Variants in GOLPH3L observed in about 807,000 individuals in gnomAD.
GOLPH3L encodes Golgi phosphoprotein 3-like.
A neutral mutation model predicts 30.3 loss-of-function variants in GOLPH3L; 22 were observed. The observed-to-expected ratio is 0.73, with a 90% CI of 0.52 to 1.04. The LOEUF (loss-of-function observed/expected upper bound fraction) is 1.04, where lower values mean the gene tolerates loss of function less well. GOLPH3L is among the 50% of genes least tolerant of loss of function. The pLI is 0.00. For missense variants in GOLPH3L, 303 were observed against 345.8 expected (o/e 0.88, Z 0.98); for synonymous variants, 120 against 128.2 (o/e 0.94, Z 0.43).
chr1:150,649,303 G>T (rs1650052752), intron 4 of GOLPH3L, among the ~76,000 whole-genome samples: 2 of 152,216 alleles, frequency 1.3e-5, no homozygotes, highest in Non-Finnish European at 2.9e-5. Flanking sequence ...TACAGCAGGT[G>T]GGTATCACTG....
intron 2 of GOLPH3L, among the ~76,000 whole-genome samples, chr1:150,688,290 C>T (rs1469434980): frequency 2.0e-5 from 3 of 152,204 alleles, no homozygotes; most frequent in East Asian, 1.9e-4. Context: ...AGCTCTCATA[C>T]TTCAGTTTTA....
chr1:150,671,802 G>A (rs1311561182), intron 2 of GOLPH3L, among the ~76,000 whole-genome samples: 6 of 72,356 alleles, frequency 8.3e-5, no homozygotes, highest in South Asian at 9.4e-4. Flanking sequence ...GCAAAACTCC[G>A]TCTCAAAAAA....
intron 4 of GOLPH3L, among the ~76,000 whole-genome samples, chr1:150,657,865 A>G (rs111282106): frequency 6.6e-6 from 1 of 152,314 alleles, no homozygotes; most frequent in Non-Finnish European, 1.5e-5. Context: ...ATCTAGCATC[A>G]TTAACTTTAA....
chr1:150,655,536 G>T (rs996038620), intron 4 of GOLPH3L, among the ~76,000 whole-genome samples: 1 of 152,154 alleles, frequency 6.6e-6, no homozygotes, highest in African/African-American at 2.4e-5. Flanking sequence ...ACTTCAAGTG[G>T]AAAGACAAAG....
chr1:150,670,262 C>A (rs933265399), intron 2 of GOLPH3L, among the ~76,000 whole-genome samples: 7 of 145,866 alleles, frequency 4.8e-5, no homozygotes, highest in African/African-American at 1.8e-4. Context: ...AACTCCATCT[C>A]AAAAAAAATT....
At chr1:150,679,006 A>C (rs11808191) in intron 2 of GOLPH3L, among the ~76,000 whole-genome samples, 7 of 152,168 alleles carry the variant, frequency 4.6e-5, no homozygotes, top group Non-Finnish European at 1.0e-4. Flanking sequence ...TTCTTTTTTT[A>C]ATGTTGTTAA....
intron 4 of GOLPH3L, among the ~76,000 whole-genome samples, chr1:150,661,000 C>T (rs1650355250): frequency 1.3e-5 from 2 of 152,136 alleles, no homozygotes; most frequent in South Asian, 2.1e-4. Context: ...GAGGCCAAGG[C>T]GGGCAGATCA....
chr1:150,660,165 G>C lies in GOLPH3L; in HGVS notation c.430+1649C>G, dbSNP rs141048158. On this transcript the variant is annotated intron_variant, in intron 4 of 4. Transcript: ENST00000271732. ...CATAAAAATATGCTCAATATTTTTA[G>C]TCATTAGGAATGACATGAAAACTAT... Among the ~76,000 whole-genome samples the C allele has an allele frequency of 2.9e-4, 44 of 152,148 alleles. No individual in the cohort carries two copies. In the East Asian group the frequency reaches 5.2e-3, roughly 18 times the overall value.
Position 150,646,304 on chromosome 1 carries a change from A to C in GOLPH3L, c.*2017T>G, listed in dbSNP as rs921875104. On this transcript the variant is annotated 3_prime_UTR_variant, in exon 5 of 5. Coordinates refer to ENST00000271732, the MANE Select transcript of GOLPH3L (RefSeq NM_018178.6). ...TAAATGAGAAGGAGTTTGGCAGTGA[A>C]CATTATGCAGATTCAAACTGAAGGT... is the stretch of plus-strand genomic sequence containing the variant. 3.3e-5 allele frequency: 5 copies of C among 152,230 alleles called. No homozygotes were observed. The highest frequency in any genetic ancestry group is 1.2e-4 in the African/African-American group (5 of 41,460). 9.4% of individuals were successfully genotyped at this position (152,230 alleles called of 1,614,324 possible).
In GOLPH3L at chr1:150,679,792, C is replaced by A. The variant is rs193059182; in HGVS notation, c.183+14864G>T. Among the ~76,000 whole-genome samples the A allele has an allele frequency of 6.6e-5, 10 of 152,156 alleles. No homozygotes were observed. The East Asian group carries it at 1.9e-3, about 29-fold the overall frequency. ...CCCAGCCTGGACGACAGAGTGGAGA[C>A]TGTTACCAAAAATAATAATAATAAT... is the stretch of plus-strand genomic sequence containing the variant. On this transcript the variant is annotated intron_variant, in intron 2 of 4. Coordinates refer to ENST00000271732, the MANE Select transcript of GOLPH3L (RefSeq NM_018178.6).
intron 2 of GOLPH3L, among the ~76,000 whole-genome samples, chr1:150,686,021 C>T (rs1011169150): frequency 6.6e-6 from 1 of 151,656 alleles, no homozygotes. Flanking sequence ...ATTACAGGTG[C>T]GTGCCACCAC....
chr1:150,667,102 AAC>A (rs1393856826), intron 2 of GOLPH3L, among the ~76,000 whole-genome samples: 1 of 152,164 alleles, frequency 6.6e-6, no homozygotes, highest in African/African-American at 2.4e-5. Flanking sequence ...ACTTTACCTC[AAC>A]CATCAAGTTT....
At chr1:150,660,056 C>A (rs963743646) in intron 4 of GOLPH3L, among the ~76,000 whole-genome samples, 3 of 151,874 alleles carry the variant, frequency 2.0e-5, no homozygotes, top group Non-Finnish European at 4.4e-5. Flanking sequence ...AAAAAAACCT[C>A]AACAACAACA....
intron 2 of GOLPH3L, among the ~76,000 whole-genome samples, chr1:150,683,961 C>T (rs1284544150): frequency 6.6e-6 from 1 of 152,068 alleles, no homozygotes; most frequent in African/African-American, 2.4e-5. Context: ...CCCCCATTAC[C>T]TCAGAATACA....
intron 2 of GOLPH3L, among the ~76,000 whole-genome samples, chr1:150,672,037 AT>A (rs587652884): frequency 3.4e-4 from 52 of 152,188 alleles, no homozygotes; most frequent in African/African-American, 1.2e-3. Flanking sequence ...CAGTGAGAAA[AT>A]ATCACTTTTT....
Position 150,648,545 on chromosome 1 carries a change from C to A in GOLPH3L, c.634G>T (p.Val212Leu), listed in dbSNP as rs778569101. 1 of 1,613,870 alleles carries A rather than the reference C, an allele frequency of 6.2e-7. No homozygotes were observed. The highest frequency in any genetic ancestry group is 1.1e-5 in the South Asian group (1 of 91,072). ...TTGTCCATACGCTGAGGGTCATTTA[C>A]CCACCGCTCTAGTACACTATCTTGA... ...KLQDSVLERW[V>L]NDPQRMDKRT... Residue 212 changes from valine to leucine, a missense_variant, in exon 5 of 5, where the codon GTA becomes TTA. Transcript: ENST00000271732.
At chr1:150,675,887 T>C (rs1650764894) in intron 2 of GOLPH3L, among the ~76,000 whole-genome samples, 1 of 151,520 alleles carries the variant, frequency 6.6e-6, no homozygotes, top group Non-Finnish European at 1.5e-5. Flanking sequence ...AGTAGGATAT[T>C]GTCTAAAACT....
At chr1:150,675,778 T>A (rs1350975923) in intron 2 of GOLPH3L, among the ~76,000 whole-genome samples, 49 of 34,836 alleles carry the variant, frequency 1.4e-3, no homozygotes, top group African/African-American at 6.0e-3. Context: ...AGACTCTGTC[T>A]CAAAAAAAAA....
intron 2 of GOLPH3L, among the ~76,000 whole-genome samples, chr1:150,681,165 T>C (rs1650938377): frequency 6.6e-6 from 1 of 152,100 alleles, no homozygotes; most frequent in Non-Finnish European, 1.5e-5. Context: ...AAAATATAAT[T>C]AGTTAATCTA....
Sources: gnomAD v4.1 joint callset for allele counts (sites outside exome capture counted in the v4.1 genomes callset) on GRCh38, gnomAD v4.1.1 for gene constraint, MANE v1.5 for transcripts, NCBI Gene and HGNC (gene_info 2026-07-23, HGNC 2026-07-21) for gene names.